The following PPP2R2B variants were observed in gnomAD, a reference collection of about 807,000 sequenced individuals.
PPP2R2B encodes protein phosphatase 2 regulatory subunit Bbeta, also known as serine/threonine-protein phosphatase 2A 55 kDa regulatory subunit B beta isoform.
A neutral mutation model predicts 46.0 loss-of-function variants in PPP2R2B; 5 were observed. The observed-to-expected ratio is 0.11, with a 90% CI of 0.06 to 0.23. The LOEUF is 0.23. Among genes scored for constraint, PPP2R2B ranks in the 10% least tolerant of loss-of-function variants. PPP2R2B has a pLI of 1.00. For missense variants in PPP2R2B, 367 were observed against 575.0 expected (o/e 0.64, Z 3.70); for synonymous variants, 215 against 206.7 (o/e 1.04, Z -0.34).
intron 1 of PPP2R2B, among the ~76,000 whole-genome samples, chr5:146,959,180 G>T (rs1397677964): frequency 1.3e-5 from 2 of 152,162 alleles, no homozygotes; most frequent in Admixed American, 6.5e-5. Flanking sequence ...CTTCAAATAT[G>T]ATAGTCCTTG....
At chr5:146,706,610 C>G (rs1561847127) in intron 2 of PPP2R2B, 2 of 816,502 alleles carry the variant, frequency 2.4e-6, no homozygotes, top group East Asian at 5.5e-5. Flanking sequence ...CCCTGCGCTG[C>G]TCCGCATCTG....
chr5:147,055,561 G>GTC, intron 1 of PPP2R2B: 1 of 987,972 alleles, frequency 1.0e-6, no homozygotes, highest in Non-Finnish European at 1.6e-6. Flanking sequence ...AGGAATGACA[G>GTC]TCACCTAGTA....
chr5:146,650,119 CAA>C (rs1775859977), intron 6 of PPP2R2B, among the ~76,000 whole-genome samples: 1 of 152,104 alleles, frequency 6.6e-6, no homozygotes, highest in Non-Finnish European at 1.5e-5. Flanking sequence ...GCTTGGAACT[CAA>C]TAAATGTCAG....
intron 1 of PPP2R2B, among the ~76,000 whole-genome samples, chr5:146,938,956 A>G (rs1291634173): frequency 6.6e-6 from 1 of 151,446 alleles, no homozygotes; most frequent in African/African-American, 2.4e-5. Context: ...AATTTTTTGT[A>G]TTTTAGTAGA....
chr5:146,955,229 T>C (rs768038323), intron 1 of PPP2R2B, among the ~76,000 whole-genome samples: 9 of 152,220 alleles, frequency 5.9e-5, no homozygotes, highest in Admixed American at 2.6e-4. Context: ...ATGATTCTTA[T>C]GCATCCAGCT....
chr5:146,937,924 A>G (rs575216079), intron 1 of PPP2R2B, among the ~76,000 whole-genome samples: 10 of 152,288 alleles, frequency 6.6e-5, no homozygotes, highest in Admixed American at 3.3e-4. Flanking sequence ...TTTTCTCAGC[A>G]CTGTCATGTT....
At chr5:146,750,279 G>T (rs897167644) in intron 2 of PPP2R2B, among the ~76,000 whole-genome samples, 1 of 151,916 alleles carries the variant, frequency 6.6e-6, no homozygotes, top group East Asian at 1.9e-4. Flanking sequence ...AGCTATTTTG[G>T]TTCCTTTGGT....
intron 5 of PPP2R2B, among the ~76,000 whole-genome samples, chr5:146,677,026 T>G (rs761498369): frequency 4.2e-5 from 6 of 142,660 alleles, no homozygotes; most frequent in Non-Finnish European, 7.5e-5. Flanking sequence ...TCTCTAACCT[T>G]ATAACTCCTG....
rs748318197 is a variant in PPP2R2B, at chr5:146,593,046, C to T, written c.977G>A (p.Arg326His). 7.4e-6 allele frequency: 12 copies of T among 1,613,340 alleles called. No homozygotes were observed. Among genetic ancestry groups the T allele is most frequent in the South Asian group, 3.3e-5 (3 of 91,064 alleles). The stretch of plus-strand genomic sequence containing the variant: ...TTCATAGAGGGAACACAGCTTGCTG[C>T]GGAGGTAGTCATGAACCTGGAGAGG... ...IETYQVHDYL[R>H]SKLCSLYEND... The change falls in exon 9 of 10, where the codon CGC becomes CAC. Residue 326 changes from arginine (R) to histidine (H), a missense_variant. By Grantham distance (29) the Arg-to-His change is conservative. Transcript: ENST00000394411.
rs78763875 is a variant in PPP2R2B at position 146,840,685 on chromosome 5, T to G, written c.70+37317A>C. 5.8e-3 allele frequency among the ~76,000 whole-genome samples: 882 copies of G among 152,330 alleles called. 12 individuals carry two copies. Among genetic ancestry groups the G allele is most frequent in the African/African-American group, 0.021 (854 of 41,574 alleles). On this transcript the variant is annotated intron_variant, in intron 2 of 9. Coordinates refer to ENST00000394411, the MANE Select transcript of PPP2R2B (RefSeq NM_181675.4). ...ATAGTTCTATTTTGACTCCAATTTG[T>G]TTTTATACAAAACAAAAATAAACTG...
At chr5:146,594,957 C>A (rs745636284) in intron 8 of PPP2R2B, among the ~76,000 whole-genome samples, 9 of 152,200 alleles carry the variant, frequency 5.9e-5, no homozygotes, top group Non-Finnish European at 5.9e-5. Context: ...CTGCTGGATG[C>A]AGAGCTTCAG....
At chr5:146,984,396 G>A (rs1753326034) in intron 1 of PPP2R2B, among the ~76,000 whole-genome samples, 1 of 152,114 alleles carries the variant, frequency 6.6e-6, no homozygotes, top group Non-Finnish European at 1.5e-5. Flanking sequence ...TTCCATCTAT[G>A]TTGTCACAAA....
At chr5:146,735,895 A>G (rs115535332) in intron 2 of PPP2R2B, among the ~76,000 whole-genome samples, 3,291 of 152,288 alleles carry the variant, frequency 0.022, 62 homozygotes, top group Non-Finnish European at 0.031. Context: ...TTTATTGAAT[A>G]CCAAATATGT....
intron 5 of PPP2R2B, 39 bp downstream of exon 5, chr5:146,691,089 C>T (rs1778822038): frequency 6.4e-7 from 1 of 1,565,740 alleles, no homozygotes; most frequent in Non-Finnish European, 8.8e-7. Context: ...AGGAGACCTG[C>T]CCCTGACTGT....
intron 1 of PPP2R2B, among the ~76,000 whole-genome samples, chr5:147,043,811 T>A (rs1274842004): frequency 6.6e-6 from 1 of 152,124 alleles, no homozygotes; most frequent in African/African-American, 2.4e-5. Context: ...CCAGGGGACA[T>A]GTTGGAGCTT....
intron 1 of PPP2R2B, among the ~76,000 whole-genome samples, chr5:146,956,195 CA>C (rs1441170694): frequency 6.6e-6 from 1 of 151,148 alleles, no homozygotes; most frequent in Admixed American, 6.6e-5. Flanking sequence ...AAATTAAGTG[CA>C]AAAAACCCCA....
intron 2 of PPP2R2B, among the ~76,000 whole-genome samples, chr5:146,803,920 C>T (rs1162100910): frequency 6.6e-6 from 1 of 152,138 alleles, no homozygotes; most frequent in Non-Finnish European, 1.5e-5. Context: ...GTAATCCCAG[C>T]ACTTTGGGAG....
chr5:146,755,534 G>A (rs1753785331), intron 2 of PPP2R2B, among the ~76,000 whole-genome samples: 1 of 152,102 alleles, frequency 6.6e-6, no homozygotes, highest in Admixed American at 6.5e-5. Flanking sequence ...ATTAAAGCAG[G>A]TCAAAGAGAC....
chr5:146,775,360 A>G (rs1376067179), intron 2 of PPP2R2B, among the ~76,000 whole-genome samples: 1 of 152,204 alleles, frequency 6.6e-6, no homozygotes, highest in Non-Finnish European at 1.5e-5. Context: ...TGAGTGTAAT[A>G]TACCACATTA....
Sources: allele counts gnomAD v4.1 joint callset (sites outside exome capture counted in the v4.1 genomes callset), GRCh38; gene constraint gnomAD v4.1.1; transcripts MANE v1.5; gene names NCBI Gene and HGNC (gene_info 2026-07-23, HGNC 2026-07-21).